CYP3A5: variants seen among roughly 807,000 people sequenced by gnomAD.
The protein encoded by CYP3A5 is cytochrome P450 family 3 subfamily A member 5.
In CYP3A5, 51 loss-of-function variants were observed where a neutral mutation model predicts 55.9. The observed-to-expected ratio is 0.91, with a 90% CI of 0.73 to 1.15. The LOEUF (loss-of-function observed/expected upper bound fraction) is 1.15. CYP3A5 is among the 50% of genes most tolerant of loss of function. The pLI, the probability that CYP3A5 is intolerant of heterozygous loss-of-function variation, is 0.00. For missense variants in CYP3A5, 533 were observed against 596.6 expected (o/e 0.89, Z 1.11); for synonymous variants, 196 against 213.9 (o/e 0.92, Z 0.73).
chr7:99,668,637 A>C (rs1017189328), intron 4 of CYP3A5, among the ~76,000 whole-genome samples: 1 of 152,254 alleles, frequency 6.6e-6, no homozygotes, highest in African/African-American at 2.4e-5. Flanking sequence ...ACAGTTCAGC[A>C]AGAAGAAATT....
intron 1 of CYP3A5, among the ~76,000 whole-genome samples, chr7:99,678,342 T>A (rs1336153074): frequency 6.6e-6 from 1 of 152,204 alleles, no homozygotes; most frequent in East Asian, 1.9e-4. Flanking sequence ...TGAGGAATAT[T>A]TTCTCACTTC....
chr7:99,659,977 C>T (rs1423897259), intron 10 of CYP3A5: 1 of 155,168 alleles, frequency 6.4e-6, no homozygotes, highest in Non-Finnish European at 1.4e-5. Context: ...GTCCGTCACC[C>T]CTAGGAAAGG....
Position 99,663,392 on chromosome 7 carries a change from G to C in CYP3A5, c.799-510C>G, listed in dbSNP as rs532347053. The C allele has an allele frequency of 2.2e-5, 22 of 991,254 alleles. No individual in the cohort carries two copies. The African/African-American group carries it at 3.8e-4, about 17-fold the overall frequency. The allele number at this position is 991,254 out of a possible 1,614,324, so 61.4% of individuals were successfully genotyped here. A position where few individuals can be genotyped will look rare whatever the true frequency, so the allele number is the denominator to read the frequency against. ...CTGGGTTACCTGGTCCTGTCTCCCT[G>C]ACCTGCAGACATCCTTCGGCTGGCC... On this transcript the variant is annotated intron_variant, in intron 8 of 12. Coordinates refer to ENST00000222982, the MANE Select transcript of CYP3A5 (RefSeq NM_000777.5).
intron 6 of CYP3A5, among the ~76,000 whole-genome samples, chr7:99,665,530 A>C (rs1252407010): frequency 6.6e-6 from 1 of 152,212 alleles, no homozygotes; most frequent in Admixed American, 6.5e-5. Context: ...GGAGACACCA[A>C]GCTGAGTTAG....
rs771170846 is a variant in CYP3A5, at chr7:99,665,300, TA to T, written c.535del (p.Tyr179ThrfsTer5). On this transcript the variant is annotated frameshift_variant, in exon 7 of 13. Coordinates refer to ENST00000222982, the MANE Select transcript of CYP3A5 (RefSeq NM_000777.5). LOFTEE classifies it high-confidence loss of function. ...TGTGCCAGTAATCACATCCATGCTG[TA>T]GGCCCCAAAGATGCTGAGTGGAGAA... ...PVTLKDIFGA[Y>X]SMDVITGTSF... is the part of the protein sequence containing the mutation. 3 of 1,614,186 alleles carry T rather than the reference TA, an allele frequency of 1.9e-6. No individual in the cohort carries two copies. The highest frequency in any genetic ancestry group is 2.5e-6 in the Non-Finnish European group (3 of 1,180,032).
chr7:99,679,984 T>G lies in CYP3A5; in HGVS notation c.-88A>C, dbSNP rs1812683456. The G allele has an allele frequency of 8.8e-7, 1 of 1,134,774 alleles. No individual in the cohort carries two copies. The highest frequency in any genetic ancestry group is 1.3e-6 in the Non-Finnish European group (1 of 744,710). 70.3% of individuals were successfully genotyped at this position (1,134,774 alleles called of 1,614,324 possible). A position where few individuals can be genotyped will look rare whatever the true frequency, so the allele number is the denominator to read the frequency against. On this transcript the variant is annotated 5_prime_UTR_variant, in exon 1 of 13. Coordinates refer to ENST00000222982, the MANE Select transcript of CYP3A5 (RefSeq NM_000777.5). ...CTGGGCTGTTTGCCTGGAGCTTCCC[T>G]GCCCTGCACAGCAGTCTTCAGCCAA...
chr7:99,649,948 G>A, intron 12 of CYP3A5, 125 bp downstream of exon 12: 1 of 1,209,680 alleles, frequency 8.3e-7, no homozygotes, highest in Non-Finnish European at 1.2e-6. Flanking sequence ...GATCAAAGAT[G>A]GATCCAAGTA....
rs909319689 is a variant in CYP3A5, at chr7:99,662,571, C to T, written c.865+245G>A. 6.6e-6 allele frequency among the ~76,000 whole-genome samples: 1 copy of T among 152,182 alleles called. No homozygotes were observed. The highest frequency in any genetic ancestry group is 2.4e-5 in the African/African-American group (1 of 41,438). On this transcript the variant is annotated intron_variant, in intron 9 of 12. Transcript: ENST00000222982. This position sits in a 1 kb window ranked among gnomAD's most constrained non-coding sequence, Gnocchi z 4.3. ...CATTTGATCTCATGTAGGTGATCCA[C>T]AAACCACTGACTGTCCTCCAAGCAT...
intron 4 of CYP3A5, chr7:99,671,976 A>G (rs1045915644): frequency 1.7e-5 from 11 of 641,788 alleles, no homozygotes; most frequent in Admixed American, 7.5e-5. Flanking sequence ...TCTGTAAACT[A>G]TATCAAAGTC....
At chr7:99,672,703 T>C (rs771525579) in intron 3 of CYP3A5, 24 bp from the exon 4 acceptor site, 10 of 1,613,206 alleles carry the variant, frequency 6.2e-6, no homozygotes, top group Non-Finnish European at 7.6e-6. Context: ...ACGGAGCTGA[T>C]TAAACTTCAC....
Position 99,652,423 on chromosome 7 carries a change from T to C in CYP3A5, c.1253+130A>G. The C allele has an allele frequency of 1.1e-5, 7 of 613,636 alleles. No homozygotes were observed. In the South Asian group the frequency reaches 1.6e-4, roughly 14 times the overall value. The allele number at this position is 613,636 out of a possible 1,614,324, so 38.0% of individuals were successfully genotyped here. ...GTTTGTAAAGTTTGATAATTATCAC[T>C]TTTTTGTGATAAAAAGACTTACAAG... On this transcript the variant is annotated intron_variant, in intron 11 of 12. Coordinates refer to ENST00000222982, the MANE Select transcript of CYP3A5 (RefSeq NM_000777.5).
At chr7:99,654,907 C>A (rs181271294) in intron 10 of CYP3A5, among the ~76,000 whole-genome samples, 3 of 152,178 alleles carry the variant, frequency 2.0e-5, no homozygotes, top group African/African-American at 4.8e-5. Flanking sequence ...CATATCCTTC[C>A]CCCACTTGTT....
At position 99,662,933 on chromosome 7, in the gene CYP3A5, G is replaced by C; in HGVS notation, c.799-51C>G. ...TGGCAGAAAGTGACTCGTGAAGTCA[G>C]AAGTAAATCAAAAGTGCAGTCCTCA... On this transcript the variant is annotated intron_variant, in intron 8 of 12. Coordinates refer to ENST00000222982, the MANE Select transcript of CYP3A5 (RefSeq NM_000777.5). This position sits in a 1 kb window ranked among gnomAD's most constrained non-coding sequence, Gnocchi z 4.3. The C allele has an allele frequency of 6.2e-7, 1 of 1,609,242 alleles. No homozygotes were observed. The highest frequency in any genetic ancestry group is 8.5e-7 in the Non-Finnish European group (1 of 1,176,994).
intron 7 of CYP3A5, 82 bp downstream of exon 7, chr7:99,665,084 G>T: frequency 8.5e-7 from 1 of 1,180,256 alleles, no homozygotes; most frequent in Non-Finnish European, 1.2e-6. Flanking sequence ...CCTTTTAAGT[G>T]GATGAATTAT....
intron 8 of CYP3A5, chr7:99,663,742 C>A: frequency 8.4e-7 from 1 of 1,189,494 alleles, no homozygotes. Context: ...TATATCATGA[C>A]ATACTAATTG....
intron 11 of CYP3A5, chr7:99,652,187 A>G (rs1809260099): frequency 6.7e-6 from 1 of 148,698 alleles, no homozygotes; most frequent in African/African-American, 2.4e-5. Flanking sequence ...TTATATATAT[A>G]CATATATATG....
intron 3 of CYP3A5, 121 bp from the exon 4 acceptor site, chr7:99,672,800 C>A (rs774455173): frequency 2.5e-5 from 38 of 1,535,224 alleles, no homozygotes; most frequent in Non-Finnish European, 3.3e-5. Flanking sequence ...TTGTACGACA[C>A]ACAGCAACCT....
chr7:99,660,214 C>CTTT lies in CYP3A5; in HGVS notation c.1026+282_1026+284dup, dbSNP rs34318418. The CTTT allele has an allele frequency of 4.2e-4, 179 of 429,918 alleles. 18 individuals are homozygous for CTTT. In the African/African-American group the frequency reaches 5.8e-3, roughly 14 times the overall value. The allele number at this position is 429,918 out of a possible 1,614,324, so 26.6% of individuals were successfully genotyped here. On this transcript the variant is annotated intron_variant, in intron 10 of 12. Transcript: ENST00000222982. The stretch of plus-strand genomic sequence containing the variant: ...GTTTGGCCATCTTCTCGCCACACTC[C>CTTT]TTTTTTTTTTTTTTTTTTTTTTTTT...
chr7:99,652,332 T>C (rs1809273328), intron 11 of CYP3A5: 1 of 382,552 alleles, frequency 2.6e-6, no homozygotes, highest in Non-Finnish European at 4.7e-6. Flanking sequence ...CACAGGGACA[T>C]AATTGATTAT....
Sources: allele counts gnomAD v4.1 joint callset (sites outside exome capture counted in the v4.1 genomes callset), GRCh38; gene constraint gnomAD v4.1.1; non-coding constraint Gnocchi (gnomAD v3.1); transcripts MANE v1.5; gene names NCBI Gene and HGNC (gene_info 2026-07-23, HGNC 2026-07-21).